The following CHD9NB variants were observed in gnomAD, a reference collection of about 807,000 sequenced individuals.
CHD9NB encodes the protein CHD9 neighbor protein.
the CHD9NB span, among the ~76,000 whole-genome samples, chr16:53,051,869 G>T: frequency 6.8e-6 from 1 of 147,586 alleles, no homozygotes; most frequent in East Asian, 2.0e-4. Context: ...CACATAGTAG[G>T]TGCTTAGTAA....
the CHD9NB span, among the ~76,000 whole-genome samples, chr16:53,050,693 CCAGT>C: frequency 0.044 from 6,700 of 152,096 alleles, 500 homozygotes; most frequent in African/African-American, 0.15. Flanking sequence ...AGTTAAGTTG[CCAGT>C]CAGTCCACAA....
At chr16:53,043,166 C>A in the CHD9NB span, 2 of 152,118 alleles carry the variant, frequency 1.3e-5, no homozygotes, top group Non-Finnish European at 2.9e-5. Context: ...AAAACACATG[C>A]GGGGGAGAAA....
chr16:53,042,804 CA>C, the CHD9NB span: 1 of 152,278 alleles, frequency 6.6e-6, no homozygotes, highest in African/African-American at 2.4e-5. Context: ...AAGCACTCTA[CA>C]TGCGTTTCCC....
the CHD9NB span, among the ~76,000 whole-genome samples, chr16:53,048,473 A>G: frequency 6.6e-6 from 1 of 152,218 alleles, no homozygotes; most frequent in South Asian, 2.1e-4. Context: ...AACAAAAATA[A>G]ATAAAAACCA....
the CHD9NB span, among the ~76,000 whole-genome samples, chr16:53,042,252 CCCT>C: frequency 1.1e-4 from 17 of 150,598 alleles, no homozygotes; most frequent in South Asian, 3.6e-3. Flanking sequence ...TTCTCTTCCT[CCCT>C]CCTCCCTACC....
At chr16:53,038,465 A>T in the CHD9NB span, among the ~76,000 whole-genome samples, 2 of 138,774 alleles carry the variant, frequency 1.4e-5, no homozygotes, top group Non-Finnish European at 3.1e-5. Context: ...CTCCTGCCTC[A>T]GCCTCCCGAG....
chr16:53,041,818 G>T, the CHD9NB span, among the ~76,000 whole-genome samples: 1 of 152,044 alleles, frequency 6.6e-6, no homozygotes, highest in Non-Finnish European at 1.5e-5. Context: ...CCAGAGCTTG[G>T]CCTATCCCCA....
chr16:53,043,709 T>C, the CHD9NB span: 32 of 251,604 alleles, frequency 1.3e-4, no homozygotes, highest in African/African-American at 6.8e-4. Context: ...AACAGTCTGC[T>C]CTGAGGCTTG....
the CHD9NB span, among the ~76,000 whole-genome samples, chr16:53,046,888 C>A: frequency 1.3e-5 from 2 of 152,154 alleles, no homozygotes; most frequent in African/African-American, 4.8e-5. Flanking sequence ...CCTGTCCATA[C>A]CCAACCTCTT....
chr16:53,047,330 T>G, the CHD9NB span: 1 of 152,174 alleles, frequency 6.6e-6, no homozygotes, highest in African/African-American at 2.4e-5. Context: ...ACATTTACCA[T>G]AGGGCATTTA....
the CHD9NB span, chr16:53,044,376 G>A: frequency 2.6e-6 from 1 of 387,030 alleles, no homozygotes; most frequent in East Asian, 3.7e-5. Context: ...CGGCTAACCT[G>A]GCCAATTCCA....
chr16:53,048,699 A>G, the CHD9NB span, among the ~76,000 whole-genome samples: 5 of 152,350 alleles, frequency 3.3e-5, no homozygotes, highest in South Asian at 2.1e-4. Flanking sequence ...ATCGCAATTA[A>G]GGAGGCCTGA....
At chr16:53,041,572 C>G in the CHD9NB span, among the ~76,000 whole-genome samples, 2 of 152,124 alleles carry the variant, frequency 1.3e-5, no homozygotes, top group African/African-American at 4.8e-5. Context: ...AAGCTTCCTT[C>G]CTTTGATTTG....
At chr16:53,052,892 ACCTCCT>A in the CHD9NB span, 3 of 174,488 alleles carry the variant, frequency 1.7e-5, no homozygotes, top group Non-Finnish European at 2.4e-5. Context: ...CACAGATGAC[ACCTCCT>A]CCTCCTCCTC....
chr16:53,047,514 G>C, the CHD9NB span, among the ~76,000 whole-genome samples: 2 of 152,146 alleles, frequency 1.3e-5, no homozygotes, highest in African/African-American at 4.8e-5. Context: ...CCTTCTCACT[G>C]TGTCCTCACA....
At chr16:53,045,462 T>C in the CHD9NB span, among the ~76,000 whole-genome samples, 3 of 152,214 alleles carry the variant, frequency 2.0e-5, no homozygotes, top group Non-Finnish European at 4.4e-5. Context: ...AGTTTGGAAC[T>C]CTTGTGCTCT....
chr16:53,049,418 C>T, the CHD9NB span, among the ~76,000 whole-genome samples: 3 of 151,922 alleles, frequency 2.0e-5, no homozygotes, highest in African/African-American at 7.3e-5. Context: ...TCAAGTGATC[C>T]TCCTGCCTCG....
chr16:53,047,917 G>C, the CHD9NB span, among the ~76,000 whole-genome samples: 87 of 151,886 alleles, frequency 5.7e-4, no homozygotes, highest in East Asian at 7.2e-3. Flanking sequence ...AGGATCACTT[G>C]AGCCTAGGGG....
the CHD9NB span, chr16:53,044,019 G>T: frequency 2.5e-6 from 1 of 398,880 alleles, no homozygotes. Context: ...TGGCTCAGGG[G>T]TTCCATCCTT....
Sources: allele counts gnomAD v4.1 joint callset (sites outside exome capture counted in the v4.1 genomes callset), GRCh38; gene constraint gnomAD v4.1.1; transcripts MANE v1.5; gene names NCBI Gene and HGNC (gene_info 2026-07-23, HGNC 2026-07-21).